The following VCP variants were observed in gnomAD, a reference collection of about 807,000 sequenced individuals.
VCP encodes the protein valosin containing protein.
VCP carries 6 observed loss-of-function variants against 85.7 expected under a neutral mutation model. The observed-to-expected ratio is 0.07, with a 90% CI of 0.04 to 0.14. The LOEUF (loss-of-function observed/expected upper bound fraction) is 0.14, where lower values mean the gene tolerates loss of function less well. Among genes scored for constraint, VCP ranks in the 10% least tolerant of loss-of-function variants. The pLI, the probability that VCP is intolerant of heterozygous loss-of-function variation, is 1.00. For synonymous variants in VCP, 384 were observed against 367.1 expected (o/e 1.05, Z -0.53); for missense variants, 353 against 1,043.4 (o/e 0.34, Z 9.12).
rs766349187 is a variant in VCP, at chr9:35,063,054, T to C, written c.735A>G (p.Gly245=). 4.7e-5 allele frequency: 76 copies of C among 1,613,742 alleles called. No individual in the cohort carries two copies. Among genetic ancestry groups the C allele is most frequent in the Non-Finnish European group, 6.3e-5 (74 of 1,180,000 alleles). The change falls in exon 7 of 17, where the codon GGA becomes GGG. Residue 245 remains glycine, a synonymous_variant. Transcript: ENST00000358901. ...TCAGGGTCTTTCCTGTTCCAGGAGGTCCGTAAAGCAGGATTCCTCTAGGAG... is the reference window on the plus strand; with the variant it reads ...TCAGGGTCTTTCCTGTTCCAGGAGGCCCGTAAAGCAGGATTCCTCTAGGAG... ...VKPPRGILLY[G]PPGTGKTLIA... is the part of the protein sequence containing the mutation.
chr9:35,065,836 G>A (rs1828817818), intron 4 of VCP, among the ~76,000 whole-genome samples: 1 of 152,208 alleles, frequency 6.6e-6, no homozygotes, highest in African/African-American at 2.4e-5. Context: ...ATATGAATAT[G>A]TGTGCAGGGT....
intron 7 of VCP, 123 bp downstream of exon 7, chr9:35,062,855 G>A: frequency 3.3e-6 from 3 of 916,136 alleles, no homozygotes; most frequent in Admixed American, 1.7e-5. Flanking sequence ...CCCAGCATAA[G>A]AAATATGCTA....
At chr9:35,065,762 T>C (rs923049154) in intron 4 of VCP, among the ~76,000 whole-genome samples, 1 of 151,972 alleles carries the variant, frequency 6.6e-6, no homozygotes, top group East Asian at 1.9e-4. Context: ...TAGCTTACTC[T>C]CCTGGAACAG....
chr9:35,059,829 A>G lies in VCP; in HGVS notation c.1696-28T>C. 6.2e-7 allele frequency: 1 copy of G among 1,614,040 alleles called. No homozygotes were observed. The highest frequency in any genetic ancestry group is 8.5e-7 in the Non-Finnish European group (1 of 1,179,966). ...GTAGGAGGAATGGATTGATTCAAGC[A>G]CTAACAAAACTAGATGTCTCTAGGC... is the stretch of plus-strand genomic sequence containing the variant. On this transcript the variant is annotated intron_variant, in intron 13 of 16. Transcript: ENST00000358901. This position sits in a 1 kb window ranked among gnomAD's most constrained non-coding sequence, Gnocchi z 4.9.
intron 1 of VCP, among the ~76,000 whole-genome samples, chr9:35,071,147 C>G (rs1243659935): frequency 6.6e-6 from 1 of 152,140 alleles, no homozygotes. Flanking sequence ...CAAAAGAATA[C>G]TTTCAGAATA....
At chr9:35,058,725 C>A (rs1828660870) in intron 15 of VCP, among the ~76,000 whole-genome samples, 1 of 152,180 alleles carries the variant, frequency 6.6e-6, no homozygotes, top group Non-Finnish European at 1.5e-5. Context: ...CAAGATCGTG[C>A]CACTGCACTC....
intron 6 of VCP, 37 bp downstream of exon 6, chr9:35,064,117 C>G (rs1209433981): frequency 6.2e-7 from 1 of 1,613,798 alleles, no homozygotes; most frequent in Non-Finnish European, 8.5e-7. Context: ...GACATTGGCA[C>G]CACTTTAGAC....
chr9:35,061,496 C>G (rs1236128533), intron 10 of VCP, 81 bp downstream of exon 10: 6 of 1,350,628 alleles, frequency 4.4e-6, no homozygotes, highest in Non-Finnish European at 6.4e-6. Context: ...CTCCTCACAT[C>G]TTAACCTTAT....
At position 35,064,321 on chromosome 9, in the gene VCP, G is replaced by A. The variant is rs372506409; in HGVS notation, c.577-36C>T. ...AGGAGATAAAGAAAGGAGAAGGCAA[G>A]AATATTATATCAGCAAAAGCTGAGT... On this transcript the variant is annotated intron_variant, in intron 5 of 16. Coordinates refer to ENST00000358901, the MANE Select transcript of VCP (RefSeq NM_007126.5). The A allele has an allele frequency of 2.4e-5, 39 of 1,612,174 alleles. No homozygotes were observed. The African/African-American group carries it at 5.1e-4, about 21-fold the overall frequency.
Position 35,072,575 on chromosome 9 carries a change from G to C in VCP, c.-222C>G. On this transcript the variant is annotated 5_prime_UTR_variant, in exon 1 of 17. Coordinates refer to ENST00000358901, the MANE Select transcript of VCP (RefSeq NM_007126.5). ...GCGAGGTGGCAGTGGCAGTGGCAGCGGCAGCGGCAGCGACGACTCAAACGA... is the reference window on the plus strand; with the variant it reads ...GCGAGGTGGCAGTGGCAGTGGCAGCCGCAGCGGCAGCGACGACTCAAACGA... The C allele has an allele frequency of 2.0e-6, 1 of 512,582 alleles. No individual in the cohort carries two copies. The highest frequency in any genetic ancestry group is 3.3e-6 in the Non-Finnish European group (1 of 304,948). The allele number at this position is 512,582 out of a possible 1,614,324, so 31.8% of individuals were successfully genotyped here.
chr9:35,060,460 G>A lies in VCP; in HGVS notation c.1548C>T (p.Phe516=). 1 of 1,614,254 alleles carries A rather than the reference G, an allele frequency of 6.2e-7. No homozygotes were observed. Among genetic ancestry groups the A allele is most frequent in the Non-Finnish European group, 8.5e-7 (1 of 1,180,054 alleles). Residue 516 remains phenylalanine (F), a synonymous_variant, in exon 13 of 17, where the codon TTC becomes TTT. Coordinates refer to ENST00000358901, the MANE Select transcript of VCP (RefSeq NM_007126.5). ...TTTTCCCACAGCCAGGAGGTCCATA[G>A]AACAGAACTCCCTTGGAAGGTGTCA... is the stretch of plus-strand genomic sequence containing the variant. ...FGMTPSKGVL[F]YGPPGCGKTL... is the part of the protein sequence containing the mutation.
intron 1 of VCP, chr9:35,072,000 C>A (rs2131046540): frequency 1.8e-6 from 2 of 1,125,782 alleles, no homozygotes; most frequent in South Asian, 2.7e-5. Context: ...CCCCGGGGCG[C>A]CGCGCCGGCG....
At chr9:35,068,553 G>A (rs543961097) in intron 1 of VCP, among the ~76,000 whole-genome samples, 191 bp from the exon 2 acceptor site, 4 of 152,276 alleles carry the variant, frequency 2.6e-5, no homozygotes, top group Admixed American at 2.0e-4. Context: ...CATTCCAGCA[G>A]CTCCTGGTAT....
chr9:35,058,924 C>A, intron 15 of VCP, 140 bp downstream of exon 15: 1 of 1,199,540 alleles, frequency 8.3e-7, no homozygotes, highest in Non-Finnish European at 1.2e-6. Context: ...CCTCAGCATT[C>A]TTTATCTTTG....
intron 1 of VCP, among the ~76,000 whole-genome samples, chr9:35,070,293 G>A (rs1828915094): frequency 6.6e-6 from 1 of 152,112 alleles, no homozygotes; most frequent in Non-Finnish European, 1.5e-5. Context: ...CATGCTCAAT[G>A]TGACAGTTGA....
chr9:35,065,515 C>T, intron 4 of VCP, 134 bp from the exon 5 acceptor site: 1 of 1,140,830 alleles, frequency 8.8e-7, no homozygotes, highest in Non-Finnish European at 1.3e-6. Flanking sequence ...TACCTCTCCC[C>T]AACTCCACCC....
intron 5 of VCP, among the ~76,000 whole-genome samples, 189 bp downstream of exon 5, chr9:35,065,062 T>G (rs975245976): frequency 2.0e-5 from 3 of 152,154 alleles, no homozygotes; most frequent in African/African-American, 4.8e-5. Flanking sequence ...GAGATGGGAT[T>G]TCACCATGTT....
intron 1 of VCP, among the ~76,000 whole-genome samples, chr9:35,069,778 T>G (rs1035511629): frequency 6.6e-6 from 1 of 152,188 alleles, no homozygotes; most frequent in African/African-American, 2.4e-5. Context: ...AGCGGCCTCG[T>G]GTTAGTAAGG....
intron 7 of VCP, 28 bp from the exon 8 acceptor site, chr9:35,062,378 AC>A: frequency 6.2e-7 from 1 of 1,614,012 alleles, no homozygotes; most frequent in South Asian, 1.1e-5. Flanking sequence ...GGAGACAATA[AC>A]AAAATGATAG....
Sources: gnomAD v4.1 joint callset for allele counts (sites outside exome capture counted in the v4.1 genomes callset) on GRCh38, gnomAD v4.1.1 for gene constraint, Gnocchi (gnomAD v3.1) non-coding constraint, MANE v1.5 for transcripts, NCBI Gene and HGNC (gene_info 2026-07-23, HGNC 2026-07-21) for gene names.